Variants in METTL8 observed in about 807,000 individuals in gnomAD.
METTL8 encodes the protein methyltransferase 8, tRNA N3-cytidine.
METTL8 carries 32 observed loss-of-function variants against 48.7 expected under a neutral mutation model. The ratio of observed to expected loss-of-function variants is 0.66; its 90% CI spans 0.50 to 0.88. METTL8 has a LOEUF of 0.88. Among genes scored for constraint, METTL8 ranks in the 40% least tolerant of loss-of-function variants. The pLI, the probability that METTL8 is intolerant of heterozygous loss-of-function variation, is 0.00. For missense variants in METTL8, 464 were observed against 474.4 expected, an observed-to-expected ratio of 0.98 and a Z score of 0.20; for synonymous variants, 136 against 157.1, an observed-to-expected ratio of 0.87 and a Z score of 1.01.
At position 171,331,081 on chromosome 2, in the gene METTL8, C is replaced by G. The variant is rs75845879; in HGVS notation, c.721-383G>C. Reference sequence around the variant, plus strand: ...CATTCTAAATTTTGTAGGTCAGTACCCTTTCTGGTCATTTCTTGTGTGTTG... The same window carrying G: ...CATTCTAAATTTTGTAGGTCAGTACGCTTTCTGGTCATTTCTTGTGTGTTG... On this transcript the variant is annotated intron_variant, in intron 6 of 9. Transcript: ENST00000375258. Among the ~76,000 whole-genome samples, 396 of 152,078 alleles carry G rather than the reference C, an allele frequency of 2.6e-3. 1 individual carries two copies. The highest frequency in any genetic ancestry group is 9.2e-3 in the African/African-American group (381 of 41,500).
chr2:171,408,540 C>T (rs999851243), intron 1 of METTL8, among the ~76,000 whole-genome samples: 1 of 152,152 alleles, frequency 6.6e-6, no homozygotes, highest in Non-Finnish European at 1.5e-5. Context: ...GATCCACCCA[C>T]CTCGGCCTCC....
chr2:171,337,920 G>A (rs1452864265), intron 4 of METTL8, among the ~76,000 whole-genome samples: 1 of 151,964 alleles, frequency 6.6e-6, no homozygotes, highest in Non-Finnish European at 1.5e-5. Flanking sequence ...TTAAAACAAG[G>A]TACAATTTTT....
rs76806294 is a variant in METTL8, at chr2:171,433,946, C to G, written c.-76G>C. On this transcript the variant is annotated 5_prime_UTR_variant, in exon 1 of 10. Transcript: ENST00000375258. ...ACACAGCGCCCCTCCCGGCACCTGGCCAGAACCTCCCAGGGCGAAGGTCGG... is the reference window on the plus strand; with the variant it reads ...ACACAGCGCCCCTCCCGGCACCTGGGCAGAACCTCCCAGGGCGAAGGTCGG... 3,587 of 197,814 alleles carry G rather than the reference C, an allele frequency of 0.018. 136 individuals carry two copies. Among genetic ancestry groups the G allele is most frequent in the African/African-American group, 0.08 (3,346 of 41,722 alleles). The allele number at this position is 197,814 out of a possible 1,614,324, so 12.3% of individuals were successfully genotyped here.
At chr2:171,391,992 T>C (rs1574104904) in intron 2 of METTL8, 51 bp downstream of exon 2, 1 of 1,481,108 alleles carries the variant, frequency 6.8e-7, no homozygotes, top group Non-Finnish European at 9.1e-7. Flanking sequence ...ATAATACCAC[T>C]GGTGATATTT....
chr2:171,376,976 T>C (rs1169249233), intron 2 of METTL8, among the ~76,000 whole-genome samples: 1 of 152,130 alleles, frequency 6.6e-6, no homozygotes, highest in Non-Finnish European at 1.5e-5. Flanking sequence ...CAAAACAGCA[T>C]GGTACTGGTA....
At position 171,339,231 on chromosome 2, in the gene METTL8, C is replaced by T. The variant is rs1257197013; in HGVS notation, c.559G>A (p.Glu187Lys). ...DSEKHKKGPMETGLFPGSNAT... is the reference protein window; with the variant it reads ...DSEKHKKGPMKTGLFPGSNAT... ...TTGCTACCAGGAAACAATCCAGTCT[C>T]CATAGGTCCTTTTTTGTGTTTTTCA... Residue 187 changes from glutamate to lysine, a missense_variant, in exon 4 of 10, where the codon GAG (glutamate) becomes AAG (lysine). By Grantham distance (56) the Glu-to-Lys change is moderately conservative. Coordinates refer to ENST00000375258, the MANE Select transcript of METTL8 (RefSeq NM_001321154.2). 2 of 1,602,282 alleles carry T rather than the reference C, an allele frequency of 1.2e-6. No individual in the cohort carries two copies. The highest frequency in any genetic ancestry group is 2.2e-5 in the East Asian group (1 of 44,778).
Position 171,317,139 on chromosome 2 carries a change from AG to A in METTL8, c.*7032del. On this transcript the variant is annotated 3_prime_UTR_variant, in exon 10 of 10. Coordinates refer to ENST00000375258, the MANE Select transcript of METTL8 (RefSeq NM_001321154.2). ...CAGCAGCGGGCTCATTGCTAATTTT[AG>A]GAAGTCACACAGGTTTAGTGCTTGC... is the stretch of plus-strand genomic sequence containing the variant. Among the ~76,000 whole-genome samples, 1 of 152,346 alleles carries A rather than the reference AG, an allele frequency of 6.6e-6. No homozygotes were observed. The highest frequency in any genetic ancestry group is 3.4e-3 in the Middle Eastern group (1 of 294).
rs1250933005 is a variant in METTL8, at chr2:171,366,735, T to C, written c.144-6222A>G. 4.0e-5 allele frequency among the ~76,000 whole-genome samples: 6 copies of C among 150,424 alleles called. No individual in the cohort carries two copies. The East Asian group carries it at 5.9e-4, about 15-fold the overall frequency. On this transcript the variant is annotated intron_variant, in intron 2 of 9. Transcript: ENST00000375258. ...CATATACACTATCTGAAATAAAGAG[T>C]TGAGTAGGCTCAGGTGGGCATGGTA... is the stretch of plus-strand genomic sequence containing the variant.
chr2:171,320,977 C>G lies in METTL8; in HGVS notation c.*3195G>C, dbSNP rs945269303. On this transcript the variant is annotated 3_prime_UTR_variant, in exon 10 of 10. Transcript: ENST00000375258. ...AGTCTAGGTTATCTACAAGCTGACC[C>G]CCTTCCCATCTTTTCTACCTATCCC... The G allele has an allele frequency of 2.6e-5, 4 of 152,084 alleles. No homozygotes were observed. Among genetic ancestry groups the G allele is most frequent in the African/African-American group, 9.7e-5 (4 of 41,384 alleles). 9.4% of individuals were successfully genotyped at this position (152,084 alleles called of 1,614,324 possible).
intron 1 of METTL8, among the ~76,000 whole-genome samples, chr2:171,423,690 T>C (rs902970015): frequency 6.6e-6 from 1 of 152,134 alleles, no homozygotes; most frequent in Non-Finnish European, 1.5e-5. Flanking sequence ...ATTTAGGGTA[T>C]CTAGAGAAAG....
intron 2 of METTL8, chr2:171,375,304 T>C (rs926976765): frequency 2.6e-6 from 2 of 781,804 alleles, no homozygotes; most frequent in Non-Finnish European, 4.5e-6. Context: ...CAGAGATATA[T>C]GTTTATCTTT....
At chr2:171,386,685 G>C (rs1335299625) in intron 2 of METTL8, among the ~76,000 whole-genome samples, 1 of 152,076 alleles carries the variant, frequency 6.6e-6, no homozygotes, top group Non-Finnish European at 1.5e-5. Context: ...GCGGGGAAGG[G>C]AAGCGCTACT....
intron 1 of METTL8, among the ~76,000 whole-genome samples, chr2:171,429,197 C>A (rs1239700176): frequency 6.6e-6 from 1 of 151,862 alleles, no homozygotes; most frequent in Non-Finnish European, 1.5e-5. Context: ...AGTGCTGTCA[C>A]AAGATTTGAA....
chr2:171,331,912 G>T (rs1209662701), intron 5 of METTL8, 45 bp from the exon 6 acceptor site: 4 of 1,410,798 alleles, frequency 2.8e-6, no homozygotes, highest in African/African-American at 1.4e-5. Flanking sequence ...TGGAGACAGG[G>T]TCTTGCGCTG....
intron 2 of METTL8, among the ~76,000 whole-genome samples, chr2:171,361,442 G>A (rs1254626440): frequency 6.6e-6 from 1 of 152,082 alleles, no homozygotes. Context: ...GATGAGAAGG[G>A]ATAAATTATA....
chr2:171,405,925 C>G (rs1275208017), intron 1 of METTL8, among the ~76,000 whole-genome samples: 2 of 151,496 alleles, frequency 1.3e-5, no homozygotes, highest in South Asian at 4.2e-4. Context: ...AAAGGAGGAA[C>G]AGAAAAAAAA....
chr2:171,348,376 T>C (rs1683521376), intron 3 of METTL8, among the ~76,000 whole-genome samples: 1 of 152,166 alleles, frequency 6.6e-6, no homozygotes, highest in Non-Finnish European at 1.5e-5. Context: ...AAAGTGACCA[T>C]AGACAGTATG....
chr2:171,434,051 A>G (rs1693526114), upstream of METTL8: 3 of 287,318 alleles, frequency 1.0e-5, no homozygotes, highest in Non-Finnish European at 1.4e-5. Context: ...GGAGACCTGG[A>G]GGCGGCAGCA....
chr2:171,361,279 C>T (rs1685141403), intron 2 of METTL8, among the ~76,000 whole-genome samples: 2 of 148,740 alleles, frequency 1.3e-5, no homozygotes, highest in Admixed American at 1.3e-4. Flanking sequence ...ATAGGTTAGA[C>T]TATAAGCAAA....
Sources: gnomAD v4.1 joint callset for allele counts (sites outside exome capture counted in the v4.1 genomes callset) on GRCh38, gnomAD v4.1.1 for gene constraint, MANE v1.5 for transcripts, NCBI Gene and HGNC (gene_info 2026-07-23, HGNC 2026-07-21) for gene names.